ZNF775: variants seen among roughly 807,000 people sequenced by gnomAD.
ZNF775 encodes zinc finger protein 775.
In ZNF775, 1 loss-of-function variant was observed where a neutral mutation model predicts 2.4. The observed-to-expected ratio is 0.41, with a 90% CI of 0.15 to 1.94. The LOEUF (loss-of-function observed/expected upper bound fraction) is 1.94, where lower values mean the gene tolerates loss of function less well. ZNF775 is among the 30% of genes most tolerant of loss of function. ZNF775 has a pLI of 0.30. For missense variants in ZNF775, 823 were observed against 826.6 expected (o/e 1.00, Z 0.05); for synonymous variants, 381 against 373.3 (o/e 1.02, Z -0.24).
At chr7:150,391,219 T>TAA (rs1212394884) in intron 2 of ZNF775, among the ~76,000 whole-genome samples, 3 of 152,226 alleles carry the variant, frequency 2.0e-5, no homozygotes, top group African/African-American at 7.2e-5. Context: ...TAAATTAACT[T>TAA]AAGTACGGCC....
rs1049864660 is a variant in ZNF775 at position 150,384,169 on chromosome 7, G to A, written c.-49-4253G>A. Among the ~76,000 whole-genome samples the A allele has an allele frequency of 2.0e-5, 3 of 152,256 alleles. No homozygotes were observed. In the East Asian group the frequency reaches 5.8e-4, roughly 29 times the overall value. On this transcript the variant is annotated intron_variant, in intron 1 of 2. Coordinates refer to ENST00000329630, the MANE Select transcript of ZNF775 (RefSeq NM_173680.4). This position sits in a 1 kb window ranked among gnomAD's most constrained non-coding sequence, Gnocchi z 4.1. ...AGGGCCGGGCCAGGGCCAGGCGTGG[G>A]AAGGGGGCCCCTGTGTGTCCTGCTC...
Position 150,396,741 on chromosome 7 carries a change from G to A in ZNF775, c.260G>A (p.Arg87Gln). Residue 87 changes from arginine to glutamine, a missense_variant, in exon 3 of 3, where the codon CGG becomes CAG. Physicochemically the swap from Arg to Gln is conservative, Grantham distance 43. Coordinates refer to ENST00000329630, the MANE Select transcript of ZNF775 (RefSeq NM_173680.4). ...PTEQDAGLAG[R>Q]APGSASGPLS... is the part of the protein sequence containing the mutation. ...GAGCAGGATGCGGGGCTGGCAGGCC[G>A]GGCTCCCGGGTCAGCCTCCGGCCCC... 1 of 1,588,928 alleles carries A rather than the reference G, an allele frequency of 6.3e-7. No individual in the cohort carries two copies. Among genetic ancestry groups the A allele is most frequent in the Non-Finnish European group, 8.6e-7 (1 of 1,168,234 alleles).
chr7:150,397,626 G>A lies in ZNF775; in HGVS notation c.1145G>A (p.Arg382His), dbSNP rs1393174992. 6.0e-6 allele frequency: 8 copies of A among 1,341,932 alleles called. No homozygotes were observed. The highest frequency in any genetic ancestry group is 1.6e-5 in the South Asian group (1 of 61,688). The allele number at this position is 1,341,932 out of a possible 1,614,324, so 83.1% of individuals were successfully genotyped here. A position where few individuals can be genotyped will look rare whatever the true frequency, so the allele number is the denominator to read the frequency against. Residue 382 changes from arginine to histidine, a missense_variant, in exon 3 of 3, where the codon CGC (arginine) becomes CAC (histidine). By Grantham distance (29) the Arg-to-His change is conservative. Transcript: ENST00000329630. ...GKSCRSRAALRAHQRAHAVAE... is the reference protein window; with the variant it reads ...GKSCRSRAALHAHQRAHAVAE... ...AGCTGCCGCAGCCGCGCCGCGCTGC[G>A]CGCCCACCAGCGCGCCCACGCTGTC...
Position 150,396,515 on chromosome 7 carries a change from G to T in ZNF775, c.34G>T (p.Ala12Ser). ...ESGLAGNGTG[A>S]GLVMKVKQEK... is the part of the protein sequence containing the mutation. ...TCTCTCCCGCTTGCCTCTGGCAGGA[G>T]CTGGGCTGGTGATGAAGGTCAAGCA... Residue 12 changes from alanine to serine, a missense_variant and splice_region_variant, in exon 3 of 3, where the codon GCT becomes TCT. Transcript: ENST00000329630. The T allele has an allele frequency of 1.3e-6, 2 of 1,592,428 alleles. No individual in the cohort carries two copies. The highest frequency in any genetic ancestry group is 1.7e-6 in the Non-Finnish European group (2 of 1,171,942).
In ZNF775 at chr7:150,384,398, G is replaced by A. The variant is rs1481098221; in HGVS notation, c.-49-4024G>A. 6.6e-6 allele frequency among the ~76,000 whole-genome samples: 1 copy of A among 152,236 alleles called. No homozygotes were observed. The highest frequency in any genetic ancestry group is 2.4e-5 in the African/African-American group (1 of 41,456). Reference sequence around the variant, plus strand: ...GGCTCCTGGGTGTCTCCAGGTGGCTGAGGACATGTCAGGATGGTAGGTTAG... The same window carrying A: ...GGCTCCTGGGTGTCTCCAGGTGGCTAAGGACATGTCAGGATGGTAGGTTAG... On this transcript the variant is annotated intron_variant, in intron 1 of 2. Transcript: ENST00000329630. The surrounding 1 kb of genome is among the most constrained non-coding windows in gnomAD (Gnocchi z 4.1).
chr7:150,380,055 GA>G (rs1202921266), intron 1 of ZNF775: 2 of 152,240 alleles, frequency 1.3e-5, no homozygotes, highest in East Asian at 3.9e-4. Flanking sequence ...TCTACATGTG[GA>G]AGGTGTGGAG....
At chr7:150,395,597 G>A (rs912657263) in intron 2 of ZNF775, among the ~76,000 whole-genome samples, 2 of 152,166 alleles carry the variant, frequency 1.3e-5, no homozygotes, top group Non-Finnish European at 2.9e-5. Flanking sequence ...CTTCTAACTC[G>A]TGGGTTCATT....
At chr7:150,385,377 C>T (rs956805480) in intron 1 of ZNF775, among the ~76,000 whole-genome samples, 3 of 152,190 alleles carry the variant, frequency 2.0e-5, no homozygotes, top group Non-Finnish European at 2.9e-5. Flanking sequence ...GAATGTGGTG[C>T]GCACCATGGA....
rs968601017 is a variant in ZNF775, at chr7:150,384,136, G to T, written c.-49-4286G>T. On this transcript the variant is annotated intron_variant, in intron 1 of 2. Transcript: ENST00000329630. The surrounding 1 kb of genome is among the most constrained non-coding windows in gnomAD (Gnocchi z 4.1). ...CTTAACTGAACTGCAGCCTGACCCG[G>T]TGCGCGGAGGGCCGGGCCAGGGCCA... 6.6e-6 allele frequency among the ~76,000 whole-genome samples: 1 copy of T among 152,232 alleles called. No individual in the cohort carries two copies. Among genetic ancestry groups the T allele is most frequent in the African/African-American group, 2.4e-5 (1 of 41,460 alleles).
At chr7:150,387,498 C>T (rs1800473937) in intron 1 of ZNF775, among the ~76,000 whole-genome samples, 1 of 151,634 alleles carries the variant, frequency 6.6e-6, no homozygotes, top group Non-Finnish European at 1.5e-5. Context: ...TCAGGAAGCG[C>T]TCAGAAGACT....
chr7:150,397,712 G>A lies in ZNF775; in HGVS notation c.1231G>A (p.Gly411Ser). The A allele has an allele frequency of 7.1e-7, 1 of 1,405,006 alleles. No homozygotes were observed. The allele number at this position is 1,405,006 out of a possible 1,614,324, so 87.0% of individuals were successfully genotyped here. Reference protein sequence around the residue: ...GDQPQAEAIPGLAARPRSSQR... With the variant: ...GDQPQAEAIPSLAARPRSSQR... The stretch of plus-strand genomic sequence containing the variant: ...CCAGCCGCAGGCCGAGGCCATCCCG[G>A]GCTTGGCCGCGAGGCCGCGGAGCTC... The change falls in exon 3 of 3, where the codon GGC (glycine) becomes AGC (serine). Residue 411 changes from glycine to serine, a missense_variant. Physicochemically the swap from Gly to Ser is moderately conservative, Grantham distance 56. Transcript: ENST00000329630.
At chr7:150,395,926 C>G (rs989205194) in intron 2 of ZNF775, among the ~76,000 whole-genome samples, 1 of 152,148 alleles carries the variant, frequency 6.6e-6, no homozygotes, top group Non-Finnish European at 1.5e-5. Context: ...GAAGTGCTCC[C>G]CCGCCATGGC....
In ZNF775 at chr7:150,384,195, C is replaced by G. The variant is rs1408613536; in HGVS notation, c.-49-4227C>G. ...AAGGGGGCCCCTGTGTGTCCTGCTC[C>G]CCTCAGAGCCCGAGGGGCAGCAGAG... On this transcript the variant is annotated intron_variant, in intron 1 of 2. Transcript: ENST00000329630. This position sits in a 1 kb window ranked among gnomAD's most constrained non-coding sequence, Gnocchi z 4.1. Among the ~76,000 whole-genome samples, 1 of 152,242 alleles carries G rather than the reference C, an allele frequency of 6.6e-6. No homozygotes were observed. Among genetic ancestry groups the G allele is most frequent in the Non-Finnish European group, 1.5e-5 (1 of 68,044 alleles).
At chr7:150,379,722 C>T (rs1800327545) in intron 1 of ZNF775, 1 of 152,118 alleles carries the variant, frequency 6.6e-6, no homozygotes, top group Non-Finnish European at 1.5e-5. Flanking sequence ...GAGGGGTCGC[C>T]CGCGGGCGGT....
intron 1 of ZNF775, among the ~76,000 whole-genome samples, chr7:150,383,584 G>A (rs1326138975): frequency 6.6e-6 from 1 of 152,168 alleles, no homozygotes; most frequent in Non-Finnish European, 1.5e-5. Context: ...GGCATTGGCT[G>A]GGCATGGGCT....
At position 150,383,323 on chromosome 7, in the gene ZNF775, C is replaced by G. The variant is rs527641287; in HGVS notation, c.-50+3931C>G. ...GAGCCTGAGGAGCCACCTCTTGGGTCCTCCATTGTTTCATTCACTCATCCG... is the reference window on the plus strand; with the variant it reads ...GAGCCTGAGGAGCCACCTCTTGGGTGCTCCATTGTTTCATTCACTCATCCG... On this transcript the variant is annotated intron_variant, in intron 1 of 2. Coordinates refer to ENST00000329630, the MANE Select transcript of ZNF775 (RefSeq NM_173680.4). Among the ~76,000 whole-genome samples, 5 of 152,152 alleles carry G rather than the reference C, an allele frequency of 3.3e-5. No individual in the cohort carries two copies. In the East Asian group the frequency reaches 9.6e-4, roughly 29 times the overall value.
chr7:150,386,795 C>T (rs1800461654), intron 1 of ZNF775, among the ~76,000 whole-genome samples: 1 of 152,196 alleles, frequency 6.6e-6, no homozygotes, highest in African/African-American at 2.4e-5. Context: ...TGCACAGCTC[C>T]TGGCCAGGCA....
Position 150,397,784 on chromosome 7 carries a change from G to A in ZNF775, c.1303G>A (p.Ala435Thr). The A allele has an allele frequency of 2.6e-6, 4 of 1,546,036 alleles. No homozygotes were observed. Among genetic ancestry groups the A allele is most frequent in the Non-Finnish European group, 3.5e-6 (4 of 1,151,090 alleles). The change falls in exon 3 of 3, where the codon GCG (alanine) becomes ACG (threonine). Residue 435 changes from alanine (A) to threonine (T), a missense_variant. Ala to Thr is a moderately conservative substitution (Grantham distance 58). Transcript: ENST00000329630. ...GGACACGCTGTGGGGCCGGGGACAA[G>A]CGGGCCTCGCTGGGCCTGGCGAGCC... ...ARDTLWGRGQ[A>T]GLAGPGEPRQ...
chr7:150,392,795 A>G (rs1249608261), intron 2 of ZNF775, among the ~76,000 whole-genome samples: 1 of 152,172 alleles, frequency 6.6e-6, no homozygotes, highest in Non-Finnish European at 1.5e-5. Flanking sequence ...TAGCCTCCCA[A>G]AGTGCTGGGA....
Sources: allele counts gnomAD v4.1 joint callset (sites outside exome capture counted in the v4.1 genomes callset), GRCh38; gene constraint gnomAD v4.1.1; non-coding constraint Gnocchi (gnomAD v3.1); transcripts MANE v1.5; gene names NCBI Gene and HGNC (gene_info 2026-07-23, HGNC 2026-07-21).